Variants in CAMTA1 observed in about 807,000 individuals in gnomAD.
CAMTA1 encodes calmodulin binding transcription activator 1.
CAMTA1 carries 27 observed loss-of-function variants against 170.9 expected under a neutral mutation model. The ratio of observed to expected loss-of-function variants is 0.16; its 90% CI spans 0.12 to 0.22. The LOEUF is 0.22. CAMTA1 is among the 10% of genes least tolerant of loss of function. CAMTA1 has a pLI of 1.00. For missense variants in CAMTA1, 1,619 were observed against 2,217.2 expected, an observed-to-expected ratio of 0.73 and a Z score of 5.42; for synonymous variants, 833 against 891.5, an observed-to-expected ratio of 0.93 and a Z score of 1.17.
At chr1:7,227,379 G>C (rs187714307) in intron 4 of CAMTA1, among the ~76,000 whole-genome samples, 3 of 152,080 alleles carry the variant, frequency 2.0e-5, no homozygotes, top group African/African-American at 7.2e-5. Flanking sequence ...CTAGGCTGAC[G>C]TGCAATGGTG....
At chr1:7,649,368 G>A (rs1375743617) in intron 7 of CAMTA1, among the ~76,000 whole-genome samples, 1 of 152,220 alleles carries the variant, frequency 6.6e-6, no homozygotes, top group Non-Finnish European at 1.5e-5. Flanking sequence ...AGCGCTGGGG[G>A]TTCCTGGAGA....
intron 22 of CAMTA1, among the ~76,000 whole-genome samples, chr1:7,757,998 T>TC (rs1298288250): frequency 1.3e-5 from 2 of 152,004 alleles, no homozygotes; most frequent in Non-Finnish European, 2.9e-5. Flanking sequence ...GACAAAAATC[T>TC]CCATTTCTCC....
rs547555997 is a variant in CAMTA1, at chr1:7,146,431, C to G, written c.302+55060C>G. Among the ~76,000 whole-genome samples the G allele has an allele frequency of 6.6e-6, 1 of 152,284 alleles. No individual in the cohort carries two copies. Among genetic ancestry groups the G allele is most frequent in the South Asian group, 2.1e-4 (1 of 4,820 alleles). On this transcript the variant is annotated intron_variant, in intron 4 of 22. Coordinates refer to ENST00000303635, the MANE Select transcript of CAMTA1 (RefSeq NM_015215.4). The surrounding 1 kb of genome is among the most constrained non-coding windows in gnomAD (Gnocchi z 4.3). ...CAATTAAGAAGGGCAGTAATGCTTC[C>G]CATCAAGAGTCCTGTCGGGGAAAGT...
intron 6 of CAMTA1, among the ~76,000 whole-genome samples, chr1:7,530,287 C>G (rs1015592955): frequency 6.6e-6 from 1 of 152,230 alleles, no homozygotes; most frequent in Admixed American, 6.5e-5. Flanking sequence ...ATGAAAGGAA[C>G]CGAGGCTAAT....
At chr1:6,836,735 G>A (rs1404292968) in intron 3 of CAMTA1, among the ~76,000 whole-genome samples, 1 of 152,128 alleles carries the variant, frequency 6.6e-6, no homozygotes, top group Admixed American at 6.5e-5. Context: ...GTTCATGGGG[G>A]AAATAAAGGC....
At chr1:7,401,034 A>G (rs1336529744) in intron 5 of CAMTA1, among the ~76,000 whole-genome samples, 1 of 152,184 alleles carries the variant, frequency 6.6e-6, no homozygotes, top group East Asian at 1.9e-4. Flanking sequence ...ATGAAGTAAA[A>G]TGGATCAATT....
At chr1:6,985,194 G>C (rs984227474) in intron 3 of CAMTA1, among the ~76,000 whole-genome samples, 2 of 152,320 alleles carry the variant, frequency 1.3e-5, no homozygotes, top group African/African-American at 4.8e-5. Flanking sequence ...GCCAGGCCAG[G>C]CTGGCTGTAG....
chr1:7,198,516 A>C (rs1213184503), intron 4 of CAMTA1, among the ~76,000 whole-genome samples: 1 of 152,024 alleles, frequency 6.6e-6, no homozygotes, highest in African/African-American at 2.4e-5. Flanking sequence ...ATGTCTCAGC[A>C]GCCCTGGGTG....
chr1:7,367,756 C>T (rs1284943935), intron 5 of CAMTA1, among the ~76,000 whole-genome samples: 4 of 152,276 alleles, frequency 2.6e-5, no homozygotes, highest in African/African-American at 9.6e-5. Context: ...AGACACTGGG[C>T]ACTGATGGTT....
intron 5 of CAMTA1, among the ~76,000 whole-genome samples, chr1:7,301,570 C>T (rs971223164): frequency 7.2e-5 from 11 of 152,150 alleles, no homozygotes; most frequent in African/African-American, 2.2e-4. Flanking sequence ...TGTGTGGAGC[C>T]AGGCAGTGTG....
chr1:7,107,137 T>C (rs1204679871), intron 4 of CAMTA1, among the ~76,000 whole-genome samples: 1 of 152,000 alleles, frequency 6.6e-6, no homozygotes, highest in Admixed American at 6.6e-5. Context: ...GTAGGCACTG[T>C]GGGGTTACAA....
chr1:6,836,154 T>C (rs1009826007), intron 3 of CAMTA1, among the ~76,000 whole-genome samples: 1 of 152,208 alleles, frequency 6.6e-6, no homozygotes, highest in Non-Finnish European at 1.5e-5. Context: ...AATTCTGTTA[T>C]CTTGGTAATT....
intron 5 of CAMTA1, among the ~76,000 whole-genome samples, chr1:7,348,682 G>A (rs1168625476): frequency 6.6e-6 from 1 of 152,190 alleles, no homozygotes; most frequent in Admixed American, 6.5e-5. Context: ...AGAGATAATA[G>A]GAACCTGGAG....
At chr1:7,566,500 G>A (rs150643583) in intron 6 of CAMTA1, among the ~76,000 whole-genome samples, 5 of 152,074 alleles carry the variant, frequency 3.3e-5, no homozygotes, top group Non-Finnish European at 7.4e-5. Context: ...CCCCTGCCTC[G>A]CTTCCTTTCT....
intron 11 of CAMTA1, among the ~76,000 whole-genome samples, chr1:7,727,880 A>C (rs1277354797): frequency 6.6e-6 from 1 of 152,254 alleles, no homozygotes; most frequent in Non-Finnish European, 1.5e-5. Context: ...AGAGGAAAGG[A>C]CATGTGAGGA....
chr1:7,156,760 T>G (rs959001933), intron 4 of CAMTA1, among the ~76,000 whole-genome samples: 2 of 152,160 alleles, frequency 1.3e-5, no homozygotes, highest in African/African-American at 4.8e-5. Flanking sequence ...AGCAGATCAT[T>G]CATTATTTCA....
At chr1:7,590,091 G>A (rs557023828) in intron 6 of CAMTA1, among the ~76,000 whole-genome samples, 2 of 152,298 alleles carry the variant, frequency 1.3e-5, no homozygotes, top group African/African-American at 4.8e-5. Context: ...GGAAGTCTCC[G>A]CCCTGAACTT....
chr1:7,481,651 TAAC>T (rs1350495053), intron 6 of CAMTA1, among the ~76,000 whole-genome samples: 1 of 152,226 alleles, frequency 6.6e-6, no homozygotes, highest in Non-Finnish European at 1.5e-5. Flanking sequence ...ATTCTGCCGT[TAAC>T]ATTTGACCAT....
rs186236632 is a variant in CAMTA1 at position 7,113,369 on chromosome 1, G to A, written c.302+21998G>A. Among the ~76,000 whole-genome samples the A allele has an allele frequency of 2.2e-4, 34 of 152,322 alleles. No homozygotes were observed. In the East Asian group the frequency reaches 5.8e-3, roughly 26 times the overall value. On this transcript the variant is annotated intron_variant, in intron 4 of 22. Transcript: ENST00000303635. This position sits in a 1 kb window ranked among gnomAD's most constrained non-coding sequence, Gnocchi z 4.5. ...GCCATTCTGACCAAGTGGGGTGGAC[G>A]GCAGAGACACTCAGGTGGAGAAGCC...
Sources: allele counts gnomAD v4.1 joint callset (sites outside exome capture counted in the v4.1 genomes callset), GRCh38; gene constraint gnomAD v4.1.1; non-coding constraint Gnocchi (gnomAD v3.1); transcripts MANE v1.5; gene names NCBI Gene and HGNC (gene_info 2026-07-23, HGNC 2026-07-21).